CCNT1: variants seen among roughly 807,000 people sequenced by gnomAD.
CCNT1 encodes the protein cyclin T1.
A neutral mutation model predicts 67.3 loss-of-function variants in CCNT1; 18 were observed. The ratio of observed to expected loss-of-function variants is 0.27; its 90% CI spans 0.18 to 0.40. The LOEUF (loss-of-function observed/expected upper bound fraction) is 0.40. Among genes scored for constraint, CCNT1 ranks in the 10% least tolerant of loss-of-function variants. CCNT1 has a pLI of 1.00. For synonymous variants in CCNT1, 333 were observed against 310.3 expected, an observed-to-expected ratio of 1.07 and a Z score of -0.77; for missense variants, 744 against 884.9, an observed-to-expected ratio of 0.84 and a Z score of 2.02.
chr12:48,713,740 A>G (rs551023048), intron 2 of CCNT1, among the ~76,000 whole-genome samples: 5 of 152,348 alleles, frequency 3.3e-5, no homozygotes, highest in African/African-American at 9.6e-5. Flanking sequence ...GCCATAATCA[A>G]ATCACTGCAT....
At chr12:48,697,350 T>C (rs1205866939) in intron 6 of CCNT1, among the ~76,000 whole-genome samples, 2 of 151,298 alleles carry the variant, frequency 1.3e-5, no homozygotes, top group Non-Finnish European at 2.9e-5. Context: ...CGAAACCCCA[T>C]CTCTACTGAA....
chr12:48,712,327 G>A (rs1466459346), intron 2 of CCNT1, among the ~76,000 whole-genome samples: 2 of 151,580 alleles, frequency 1.3e-5, no homozygotes, highest in East Asian at 2.0e-4. Context: ...TTGTTGCCTA[G>A]GCTGAAGTGC....
At chr12:48,712,867 G>A (rs753706325) in intron 2 of CCNT1, among the ~76,000 whole-genome samples, 4 of 151,872 alleles carry the variant, frequency 2.6e-5, no homozygotes, top group East Asian at 3.9e-4. Context: ...TTGAATCTGC[G>A]AGGCGGAGGT....
At chr12:48,701,216 T>TA in intron 3 of CCNT1, 143 bp from the exon 4 acceptor site, 3 of 166,472 alleles carry the variant, frequency 1.8e-5, no homozygotes, top group South Asian at 1.3e-4. Context: ...TGAAATACAA[T>TA]CTTTTTTTTT....
chr12:48,694,286 C>G lies in CCNT1; in HGVS notation c.928G>C (p.Val310Leu), dbSNP rs1940135445. Residue 310 changes from valine (V) to leucine (L), a missense_variant, in exon 9 of 9, where the codon GTG becomes CTG. Around this residue, in one of 3 missense-constraint regions of CCNT1, gnomAD observed 564 missense variants for 574.2 expected, o/e 0.98. Transcript: ENST00000261900. Reference sequence around the variant, plus strand: ...TCTTCGGAGACTGGCAGGGAAGGCACTGCACTTGTGGTAGAAGTTGACATG... The same window carrying G: ...TCTTCGGAGACTGGCAGGGAAGGCAGTGCACTTGTGGTAGAAGTTGACATG... Reference protein sequence around the residue: ...MSMSTSTTSAVPSLPVSEESS... With the variant: ...MSMSTSTTSALPSLPVSEESS... 1.9e-6 allele frequency: 3 copies of G among 1,614,192 alleles called. No homozygotes were observed. In the East Asian group the frequency reaches 6.7e-5, roughly 36 times the overall value.
In CCNT1 at chr12:48,693,049, G is replaced by A. The variant is rs1322335040; in HGVS notation, c.2165C>T (p.Pro722Leu). 6 of 1,593,878 alleles carry A rather than the reference G, an allele frequency of 3.8e-6. No homozygotes were observed. The highest frequency in any genetic ancestry group is 1.7e-4 in the Middle Eastern group (1 of 5,952). ...TTTCTTTTTTTACTTAGGAAGGGGT[G>A]GAAGTGGTGGAGGAGGTTCTGATGG... ...PLPSEPPPPL[P>L]PLPK The change falls in exon 9 of 9, where the codon CCA becomes CTA. Residue 722 changes from proline (P) to leucine (L), a missense_variant. By Grantham distance (98) the Pro-to-Leu change is moderately conservative. Around this residue, in one of 3 missense-constraint regions of CCNT1, gnomAD observed 564 missense variants for 574.2 expected, o/e 0.98. Coordinates refer to ENST00000261900, the MANE Select transcript of CCNT1 (RefSeq NM_001240.4).
intron 2 of CCNT1, among the ~76,000 whole-genome samples, chr12:48,707,441 C>T (rs1445956471): frequency 6.6e-6 from 1 of 151,842 alleles, no homozygotes; most frequent in South Asian, 2.1e-4. Context: ...CGCCACCACA[C>T]CCAGTTAATT....
rs142357886 is a variant in CCNT1, at chr12:48,693,114, C to T, written c.2100G>A (p.Ser700=). The T allele has an allele frequency of 3.9e-5, 63 of 1,613,910 alleles. No homozygotes were observed. The African/African-American group carries it at 5.5e-4, about 14-fold the overall frequency. Residue 700 remains serine (S), a synonymous_variant, in exon 9 of 9, where the codon TCG becomes TCA. Transcript: ENST00000261900. ...YLNPRSGGIS[S]RSGNTDKPRP... ...GGGGTTTGTCTGTATTGCCAGATCT[C>T]GAGGAGATTCCACCAGACCGAGGAT...
At chr12:48,708,631 AG>A (rs770772157) in intron 2 of CCNT1, among the ~76,000 whole-genome samples, 19 of 152,332 alleles carry the variant, frequency 1.2e-4, no homozygotes, top group South Asian at 2.1e-4. Context: ...TAAAACTAAT[AG>A]GGCTGCACTA....
At position 48,695,413 on chromosome 12, in the gene CCNT1, G is replaced by T. The variant is rs76614529; in HGVS notation, c.777+346C>A. On this transcript the variant is annotated intron_variant, in intron 8 of 8. Transcript: ENST00000261900. ...ATGTCAAACACAAAACTGTGATACC[G>T]GCTCTAACCTTGTAATTCTCTATCT... Among the ~76,000 whole-genome samples the T allele has an allele frequency of 1.9e-4, 29 of 152,068 alleles. No individual in the cohort carries two copies. In the South Asian group the frequency reaches 2.9e-3, roughly 15 times the overall value.
chr12:48,714,237 A>G lies in CCNT1; in HGVS notation c.243+206T>C, dbSNP rs538205648. On this transcript the variant is annotated intron_variant, in intron 2 of 8. Coordinates refer to ENST00000261900, the MANE Select transcript of CCNT1 (RefSeq NM_001240.4). ...CTACTTCTTTAGAGAATCGACATGG[A>G]TATACTAAATCCACTAGACAAGTAG... 2.0e-5 allele frequency among the ~76,000 whole-genome samples: 3 copies of G among 152,280 alleles called. No individual in the cohort carries two copies. The South Asian group carries it at 6.2e-4, about 32-fold the overall frequency.
intron 4 of CCNT1, 91 bp from the exon 5 acceptor site, chr12:48,699,931 T>G (rs887717797): frequency 5.4e-6 from 4 of 743,880 alleles, no homozygotes; most frequent in African/African-American, 3.6e-5. Context: ...AAATTACACC[T>G]TACTGGTTTC....
intron 3 of CCNT1, among the ~76,000 whole-genome samples, chr12:48,704,450 T>A (rs1371601344): frequency 6.6e-6 from 1 of 152,134 alleles, no homozygotes; most frequent in Non-Finnish European, 1.5e-5. Flanking sequence ...TTTATGAGAA[T>A]CTAATGCCTG....
intron 2 of CCNT1, among the ~76,000 whole-genome samples, chr12:48,711,959 AT>A (rs1940457817): frequency 6.6e-6 from 1 of 151,684 alleles, no homozygotes; most frequent in African/African-American, 2.4e-5. Flanking sequence ...CGCCCGGCTA[AT>A]TTTTTTTGTA....
In CCNT1 at chr12:48,692,700, C is replaced by T. The variant is rs1592116458; in HGVS notation, c.*333G>A. The T allele has an allele frequency of 4.8e-6, 1 of 206,846 alleles. No homozygotes were observed. Among genetic ancestry groups the T allele is most frequent in the East Asian group, 1.1e-4 (1 of 9,508 alleles). The allele number at this position is 206,846 out of a possible 1,614,324, so 12.8% of individuals were successfully genotyped here. On this transcript the variant is annotated 3_prime_UTR_variant, in exon 9 of 9. Transcript: ENST00000261900. ...CAATTGTCTGATACAAGAAACCCTCCATTTTTCAGCTCTGGCAAGAAGAGG... is the reference window on the plus strand; with the variant it reads ...CAATTGTCTGATACAAGAAACCCTCTATTTTTCAGCTCTGGCAAGAAGAGG...
Position 48,694,115 on chromosome 12 carries a change from C to T in CCNT1, c.1099G>A (p.Asp367Asn), listed in dbSNP as rs759583949. ...TGGGAAATAAATGCATTTGAACCAT[C>T]CTGTGGTAAGGAATGATCAACTCCT... is the stretch of plus-strand genomic sequence containing the variant. ...LTGVDHSLPQ[D>N]GSNAFISQKQ... Residue 367 changes from aspartate (D) to asparagine (N), a missense_variant, in exon 9 of 9, where the codon GAT becomes AAT. By Grantham distance (23) the Asp-to-Asn change is conservative. Transcript: ENST00000261900. 1.9e-6 allele frequency: 3 copies of T among 1,614,048 alleles called. No homozygotes were observed. The highest frequency in any genetic ancestry group is 1.1e-5 in the South Asian group (1 of 91,092).
chr12:48,696,192 G>A (rs1237543268), intron 6 of CCNT1, 30 bp from the exon 7 acceptor site: 1 of 1,197,660 alleles, frequency 8.3e-7, no homozygotes. Context: ...AACAGAGAGT[G>A]TCATGAGCTC....
At chr12:48,701,913 T>A (rs910074413) in intron 3 of CCNT1, among the ~76,000 whole-genome samples, 1 of 149,304 alleles carries the variant, frequency 6.7e-6, no homozygotes, top group African/African-American at 2.5e-5. Context: ...GCCTTTTTTT[T>A]TGAGAGGGAG....
chr12:48,693,453 A>C lies in CCNT1; in HGVS notation c.1761T>G (p.His587Gln). ...SEETGGAVFD[H>Q]PAKIAKSTKS... ...TAGTACTCTTGGCAATCTTGGCTGG[A>C]TGATCAAACACAGCCCCTCCAGTCT... is the stretch of plus-strand genomic sequence containing the variant. Residue 587 changes from histidine to glutamine, a missense_variant, in exon 9 of 9, where the codon CAT (histidine) becomes CAG (glutamine). By Grantham distance (24) the His-to-Gln change is conservative. Around this residue, in one of 3 missense-constraint regions of CCNT1, gnomAD observed 564 missense variants for 574.2 expected, o/e 0.98. Transcript: ENST00000261900. 1 of 1,614,232 alleles carries C rather than the reference A, an allele frequency of 6.2e-7. No individual in the cohort carries two copies. Among genetic ancestry groups the C allele is most frequent in the Non-Finnish European group, 8.5e-7 (1 of 1,180,032 alleles).
Sources: allele counts gnomAD v4.1 joint callset (sites outside exome capture counted in the v4.1 genomes callset), GRCh38; gene constraint gnomAD v4.1.1; regional missense constraint gnomAD v4.1.1; transcripts MANE v1.5; gene names NCBI Gene and HGNC (gene_info 2026-07-23, HGNC 2026-07-21).